GLRA2: variants seen among roughly 807,000 people sequenced by gnomAD.
The protein encoded by GLRA2 is glycine receptor alpha 2.
A neutral mutation model predicts 31.6 loss-of-function variants in GLRA2; 11 were observed. The observed-to-expected ratio is 0.35, with a 90% CI of 0.22 to 0.58. The LOEUF is 0.58. Among genes scored for constraint, GLRA2 ranks in the 20% least tolerant of loss-of-function variants. GLRA2 has a pLI of 0.84. For synonymous variants in GLRA2, 132 were observed against 134.0 expected, an observed-to-expected ratio of 0.99 and a Z score of 0.10; for missense variants, 212 against 351.8, an observed-to-expected ratio of 0.60 and a Z score of 3.18.
the GLRA2 span, among the ~76,000 whole-genome samples, chrX:14,485,522 C>T: frequency 3.6e-5 from 4 of 111,907 alleles, no homozygotes; most frequent in South Asian, 3.8e-4. Context: ...CAGACTTATG[C>T]ATAGTGAACT....
chrX:14,515,521 C>T, the GLRA2 span, among the ~76,000 whole-genome samples: 2 of 111,444 alleles, frequency 1.8e-5, no homozygotes, highest in Admixed American at 9.5e-5. Flanking sequence ...TTTCTATCCC[C>T]GGTGTTTCTT....
chrX:14,602,017 G>A (rs2090281038), intron 4 of GLRA2, among the ~76,000 whole-genome samples: 1 of 111,804 alleles, frequency 8.9e-6, no homozygotes, highest in African/African-American at 3.2e-5. Context: ...TCATCATTTG[G>A]TTGATGACAA....
intron 7 of GLRA2, among the ~76,000 whole-genome samples, chrX:14,626,737 TAA>T (rs1332746980): frequency 8.1e-5 from 9 of 111,801 alleles, no homozygotes; most frequent in African/African-American, 2.9e-4. Flanking sequence ...TCATTGACAA[TAA>T]AATGGTTAAA....
At chrX:14,526,545 G>C (rs1457605863), upstream of GLRA2, among the ~76,000 whole-genome samples, 1 of 111,581 alleles carries the variant, frequency 9.0e-6, no homozygotes, top group African/African-American at 3.3e-5. Flanking sequence ...ATGGAGGGAA[G>C]TGAGAAGATT....
At chrX:14,675,652 G>C (rs1333512826) in intron 7 of GLRA2, among the ~76,000 whole-genome samples, 1 of 111,718 alleles carries the variant, frequency 9.0e-6, no homozygotes, top group Non-Finnish European at 1.9e-5. Context: ...CAGGTAGTCA[G>C]TGCTGTCATC....
intron 2 of GLRA2, among the ~76,000 whole-genome samples, chrX:14,533,092 G>C (rs1421747860): frequency 9.1e-6 from 1 of 110,335 alleles, no homozygotes; most frequent in African/African-American, 3.3e-5. Flanking sequence ...TTCTGAATCA[G>C]AAAAAAAGAA....
chrX:14,609,767 A>G (rs2090378289), intron 7 of GLRA2, among the ~76,000 whole-genome samples: 1 of 111,292 alleles, frequency 9.0e-6, no homozygotes, highest in Non-Finnish European at 1.9e-5. Context: ...CTGATATGCT[A>G]CTATTTTTGA....
intron 7 of GLRA2, among the ~76,000 whole-genome samples, chrX:14,657,983 G>A (rs768926224): frequency 9.0e-6 from 1 of 111,102 alleles, no homozygotes; most frequent in African/African-American, 3.3e-5. Context: ...TCTGTATTAG[G>A]CACTGTCTTC....
chrX:14,686,379 C>T (rs2091278201), intron 7 of GLRA2, among the ~76,000 whole-genome samples: 1 of 111,468 alleles, frequency 9.0e-6, no homozygotes, highest in South Asian at 3.8e-4. Context: ...TGTTAACTTT[C>T]TGTCTCGTTG....
intron 7 of GLRA2, among the ~76,000 whole-genome samples, chrX:14,663,367 G>A (rs1053927079): frequency 1.8e-5 from 2 of 111,238 alleles, no homozygotes; most frequent in Non-Finnish European, 3.8e-5. Flanking sequence ...GATTCCAGGC[G>A]CAGATGGATT....
intron 7 of GLRA2, among the ~76,000 whole-genome samples, chrX:14,626,954 A>G (rs2090595762): frequency 9.0e-6 from 1 of 111,579 alleles, no homozygotes. Flanking sequence ...AACCAGAATT[A>G]TGATTGGATT....
At chrX:14,576,439 C>T (rs143694958) in intron 3 of GLRA2, among the ~76,000 whole-genome samples, 2,518 of 110,949 alleles carry the variant, frequency 0.023, 25 homozygotes, top group Non-Finnish European at 0.037. Flanking sequence ...TTGGCTTTAT[C>T]GTAATAAGAG....
the GLRA2 span, among the ~76,000 whole-genome samples, chrX:14,522,903 G>A: frequency 9.0e-5 from 10 of 111,426 alleles, no homozygotes; most frequent in African/African-American, 2.0e-4. Flanking sequence ...AAGGACCCTC[G>A]GATTTTAAGA....
chrX:14,664,349 A>G (rs2091019050), intron 7 of GLRA2, among the ~76,000 whole-genome samples: 1 of 111,734 alleles, frequency 8.9e-6, no homozygotes, highest in Admixed American at 9.5e-5. Flanking sequence ...AATATTTGCT[A>G]TATTGTTTTT....
In GLRA2 at chrX:14,648,284, C is replaced by T. The variant is rs184131060; in HGVS notation, c.930+39079C>T. Among the ~76,000 whole-genome samples the T allele has an allele frequency of 4.5e-5, 5 of 111,577 alleles. No homozygotes were observed. The Admixed American group carries it at 4.8e-4, about 11-fold the overall frequency. On this transcript the variant is annotated intron_variant, in intron 7 of 8. Transcript: ENST00000218075. ...ACATTTAAATAAATAATCACGTACTCTAAGGTAAGTGTACATATGATATTA... is the reference window on the plus strand; with the variant it reads ...ACATTTAAATAAATAATCACGTACTTTAAGGTAAGTGTACATATGATATTA...
At chrX:14,718,019 T>C (rs2147249246) in intron 8 of GLRA2, among the ~76,000 whole-genome samples, 1 of 111,175 alleles carries the variant, frequency 9.0e-6, no homozygotes, top group East Asian at 2.9e-4. Flanking sequence ...GTATCATTAC[T>C]GAGATGAAGT....
At chrX:14,505,729 T>C in the GLRA2 span, among the ~76,000 whole-genome samples, 4 of 111,535 alleles carry the variant, frequency 3.6e-5, no homozygotes, top group Non-Finnish European at 7.5e-5. Flanking sequence ...GCAGAACATT[T>C]TTTTCAAATA....
At chrX:14,467,219 T>C in the GLRA2 span, among the ~76,000 whole-genome samples, 1 of 112,452 alleles carries the variant, frequency 8.9e-6, no homozygotes, top group Non-Finnish European at 1.9e-5. Flanking sequence ...AAAAAAAAGA[T>C]GTTTGTGTTC....
At chrX:14,513,929 G>GA in the GLRA2 span, among the ~76,000 whole-genome samples, 2 of 111,267 alleles carry the variant, frequency 1.8e-5, no homozygotes, top group Non-Finnish European at 3.8e-5. Flanking sequence ...CTACCCAGAG[G>GA]AAAAAAAAGT....
Sources: allele counts gnomAD v4.1 joint callset (sites outside exome capture counted in the v4.1 genomes callset), GRCh38; gene constraint gnomAD v4.1.1; transcripts MANE v1.5; gene names NCBI Gene and HGNC (gene_info 2026-07-23, HGNC 2026-07-21).